The following RIT2 variants were observed in gnomAD, a reference collection of about 807,000 sequenced individuals.
RIT2 encodes GTP-binding protein Rit2.
RIT2 carries 24 observed loss-of-function variants against 23.7 expected under a neutral mutation model. The ratio of observed to expected loss-of-function variants is 1.01; its 90% confidence interval spans 0.73 to 1.43. RIT2 has a LOEUF of 1.43. Among genes scored for constraint, RIT2 ranks in the 40% most tolerant of loss-of-function variants. The pLI is 0.00. For missense variants in RIT2, 236 were observed against 266.9 expected (o/e 0.88, Z 0.81); for synonymous variants, 107 against 91.1 (o/e 1.17, Z -0.99).
At chr18:43,012,082 T>C (rs538984374) in intron 2 of RIT2, among the ~76,000 whole-genome samples, 1 of 151,826 alleles carries the variant, frequency 6.6e-6, no homozygotes, top group Admixed American at 6.6e-5. Context: ...TTAAGAAGAG[T>C]TCAGCTAAGA....
intron 4 of RIT2, among the ~76,000 whole-genome samples, chr18:42,826,531 T>C (rs1906302482): frequency 1.3e-5 from 2 of 152,200 alleles, no homozygotes; most frequent in Non-Finnish European, 2.9e-5. Context: ...AACTGGGAGC[T>C]AGCATCATGT....
chr18:43,018,885 A>G (rs1001622174), intron 2 of RIT2, among the ~76,000 whole-genome samples: 38 of 152,134 alleles, frequency 2.5e-4, no homozygotes, highest in African/African-American at 8.9e-4. Context: ...GAGTAAATAC[A>G]TAAATAAGGA....
At chr18:42,875,274 C>T (rs147977331) in intron 4 of RIT2, among the ~76,000 whole-genome samples, 4 of 151,532 alleles carry the variant, frequency 2.6e-5, no homozygotes, top group African/African-American at 9.7e-5. Flanking sequence ...TTGACTTTAC[C>T]CCTCGGGCAA....
chr18:42,915,424 A>G (rs1908882038), intron 4 of RIT2, among the ~76,000 whole-genome samples: 1 of 152,084 alleles, frequency 6.6e-6, no homozygotes, highest in Admixed American at 6.6e-5. Context: ...GTGGTATTGT[A>G]ATATTGGATT....
At chr18:43,028,054 C>T (rs1332212063) in intron 2 of RIT2, among the ~76,000 whole-genome samples, 2 of 152,018 alleles carry the variant, frequency 1.3e-5, no homozygotes, top group Admixed American at 6.6e-5. Flanking sequence ...ATGGAACCTA[C>T]TTTTTATATG....
chr18:42,922,030 G>T (rs1464285532), intron 4 of RIT2, among the ~76,000 whole-genome samples: 10 of 152,112 alleles, frequency 6.6e-5, no homozygotes. Flanking sequence ...AAGAGAAACA[G>T]CAAAGTAAGA....
chr18:42,798,102 T>A (rs1363374463), intron 4 of RIT2, among the ~76,000 whole-genome samples: 1 of 152,238 alleles, frequency 6.6e-6, no homozygotes, highest in Non-Finnish European at 1.5e-5. Flanking sequence ...TCTGATCTTT[T>A]AAGCCATTAT....
intron 4 of RIT2, among the ~76,000 whole-genome samples, chr18:42,811,075 A>G (rs1339426373): frequency 2.6e-5 from 4 of 152,022 alleles, no homozygotes; most frequent in Non-Finnish European, 5.9e-5. Context: ...TTGTCTGGAA[A>G]GTTAGAGTAG....
chr18:43,067,405 G>C (rs929012592), intron 1 of RIT2, among the ~76,000 whole-genome samples: 1 of 152,018 alleles, frequency 6.6e-6, no homozygotes, highest in Admixed American at 6.6e-5. Context: ...ATACCCCTTG[G>C]GAAACCTGAG....
chr18:42,870,701 A>G (rs956417502), intron 4 of RIT2, among the ~76,000 whole-genome samples: 6 of 152,196 alleles, frequency 3.9e-5, no homozygotes, highest in Admixed American at 2.0e-4. Flanking sequence ...AAGCAACGGC[A>G]TGTCACTGTA....
At position 42,779,502 on chromosome 18, in the gene RIT2, CAA is replaced by C. The variant is rs1257703384; in HGVS notation, c.427-35784_427-35783del. Among the ~76,000 whole-genome samples the C allele has an allele frequency of 2.0e-5, 3 of 152,114 alleles. No homozygotes were observed. In the East Asian group the frequency reaches 5.8e-4, roughly 29 times the overall value. On this transcript the variant is annotated intron_variant, in intron 4 of 4. Transcript: ENST00000326695. ...GCTTTTTTTGCAGGGGGATTAAATT[CAA>C]ACTCTTCTATTGCAAGTCTTGACCC...
chr18:42,796,149 C>T (rs1199653513), intron 4 of RIT2, among the ~76,000 whole-genome samples: 1 of 152,118 alleles, frequency 6.6e-6, no homozygotes, highest in Admixed American at 6.5e-5. Context: ...TCTTTGGGTC[C>T]ACACTGCTTT....
chr18:42,951,340 C>T (rs1455014307), intron 3 of RIT2, among the ~76,000 whole-genome samples: 2 of 151,936 alleles, frequency 1.3e-5, no homozygotes, highest in Non-Finnish European at 2.9e-5. Context: ...GAAAACCAAA[C>T]CATATGTTCT....
intron 1 of RIT2, among the ~76,000 whole-genome samples, chr18:43,101,856 T>C (rs1445877498): frequency 6.6e-6 from 1 of 152,140 alleles, no homozygotes; most frequent in Non-Finnish European, 1.5e-5. Context: ...AAAGCTGATA[T>C]TAGATCGTTT....
intron 4 of RIT2, among the ~76,000 whole-genome samples, chr18:42,832,204 C>G (rs1248030221): frequency 1.3e-5 from 2 of 152,176 alleles, no homozygotes; most frequent in East Asian, 3.8e-4. Context: ...GGGCGTGTCA[C>G]TAGATTTGGC....
rs151095163 is a variant in RIT2, at chr18:42,862,712, A to G, written c.426+60860T>C. ...TGTATTTTATTGTGTGCTACGCATC[A>G]TGCATTACACTTCACAACTCAACAT... On this transcript the variant is annotated intron_variant, in intron 4 of 4. Coordinates refer to ENST00000326695, the MANE Select transcript of RIT2 (RefSeq NM_002930.4). Among the ~76,000 whole-genome samples, 237 of 152,336 alleles carry G rather than the reference A, an allele frequency of 1.6e-3. 1 individual carries two copies. The highest frequency in any genetic ancestry group is 5.4e-3 in the African/African-American group (223 of 41,572).
chr18:43,107,077 AAC>A lies in RIT2; in HGVS notation c.103+8338_103+8339del, dbSNP rs1401900666. Among the ~76,000 whole-genome samples, 4 of 152,276 alleles carry A rather than the reference AAC, an allele frequency of 2.6e-5. No homozygotes were observed. In the East Asian group the frequency reaches 7.7e-4, roughly 29 times the overall value. ...ACAGTCGCAATCCCACCACACTGCA[AAC>A]ACACACACGCACAGAAATAATCGGT... On this transcript the variant is annotated intron_variant, in intron 1 of 4. Transcript: ENST00000326695.
chr18:43,043,300 C>A (rs973646130), intron 1 of RIT2, among the ~76,000 whole-genome samples: 1 of 151,976 alleles, frequency 6.6e-6, no homozygotes, highest in African/African-American at 2.4e-5. Flanking sequence ...GCCATAGGAC[C>A]CCAAAGCCAG....
At chr18:42,964,765 G>A (rs1479985587) in intron 3 of RIT2, among the ~76,000 whole-genome samples, 1 of 152,164 alleles carries the variant, frequency 6.6e-6, no homozygotes, top group African/African-American at 2.4e-5. Context: ...CTCCTAAAAT[G>A]ATTTGTCTCA....
Sources: allele counts gnomAD v4.1 joint callset (sites outside exome capture counted in the v4.1 genomes callset), GRCh38; gene constraint gnomAD v4.1.1; transcripts MANE v1.5; gene names NCBI Gene and HGNC (gene_info 2026-07-23, HGNC 2026-07-21).